The following WDFY4 variants were observed in gnomAD, a reference collection of about 807,000 sequenced individuals.
The protein encoded by WDFY4 is WD repeat- and FYVE domain-containing protein 4.
Under a neutral mutation model 351.9 loss-of-function variants are expected in WDFY4, and 169 were observed. The observed-to-expected ratio is 0.48, with a 90% CI of 0.42 to 0.55. The LOEUF (loss-of-function observed/expected upper bound fraction) is 0.55. WDFY4 is among the 20% of genes least tolerant of loss of function. WDFY4 has a pLI of 0.00. For synonymous variants in WDFY4, 1,622 were observed against 1,574.6 expected, an observed-to-expected ratio of 1.03 and a Z score of -0.71; for missense variants, 3,803 against 3,935.6, an observed-to-expected ratio of 0.97 and a Z score of 0.90.
At chr10:48,816,749 T>C (rs976195963) in intron 31 of WDFY4, among the ~76,000 whole-genome samples, 2 of 152,190 alleles carry the variant, frequency 1.3e-5, no homozygotes, top group African/African-American at 4.8e-5. Flanking sequence ...CAAACATGTA[T>C]GTCATAACAG....
chr10:48,815,219 C>T (rs1459714225), intron 31 of WDFY4, among the ~76,000 whole-genome samples: 1 of 152,164 alleles, frequency 6.6e-6, no homozygotes, highest in Non-Finnish European at 1.5e-5. Flanking sequence ...AGGACTCAGC[C>T]CCATCCTCAC....
At chr10:48,864,482 T>C (rs113644102) in intron 39 of WDFY4, among the ~76,000 whole-genome samples, 1 of 152,226 alleles carries the variant, frequency 6.6e-6, no homozygotes, top group Admixed American at 6.5e-5. Context: ...TGTTTGCCAT[T>C]GCTTTACAGT....
At chr10:48,975,813 A>AATGG (rs1240626576) in intron 58 of WDFY4, among the ~76,000 whole-genome samples, 3 of 152,016 alleles carry the variant, frequency 2.0e-5, no homozygotes, top group East Asian at 1.9e-4. Flanking sequence ...TAGATAAATG[A>AATGG]ATGGATGGAT....
intron 3 of WDFY4, 95 bp from the exon 4 acceptor site, chr10:48,721,166 G>A: frequency 8.3e-7 from 1 of 1,209,790 alleles, no homozygotes; most frequent in African/African-American, 1.5e-5. Flanking sequence ...CTCTACAGAT[G>A]CTCAGGCACA....
chr10:48,856,985 G>A (rs187308120), intron 39 of WDFY4, among the ~76,000 whole-genome samples: 137 of 152,098 alleles, frequency 9.0e-4, no homozygotes, highest in African/African-American at 3.1e-3. Context: ...TTTTATCTTT[G>A]GCAGCAAATA....
At chr10:48,872,966 G>A (rs1269062028) in intron 40 of WDFY4, among the ~76,000 whole-genome samples, 1 of 152,212 alleles carries the variant, frequency 6.6e-6, no homozygotes, top group Non-Finnish European at 1.5e-5. Flanking sequence ...CTGAGATCCA[G>A]AGATGGGAGT....
Position 48,806,104 on chromosome 10 carries a change from A to G in WDFY4, c.4738+9A>G. ...GGACCCTTCCCTGCCTGGTGAGAAG[A>G]CCTTTGCCAGTTCGAAGGCAGTAGG... is the stretch of plus-strand genomic sequence containing the variant. On this transcript the variant is annotated intron_variant, in intron 27 of 61. Transcript: ENST00000325239. 6.4e-7 allele frequency: 1 copy of G among 1,551,458 alleles called. No homozygotes were observed. The highest frequency in any genetic ancestry group is 1.2e-5 in the South Asian group (1 of 84,056).
chr10:48,694,706 C>T (rs2063286142), intron 1 of WDFY4, among the ~76,000 whole-genome samples: 1 of 152,174 alleles, frequency 6.6e-6, no homozygotes, highest in Admixed American at 6.5e-5. Flanking sequence ...CTCACTCAAC[C>T]CCTGAGCCCC....
intron 40 of WDFY4, 74 bp downstream of exon 40, chr10:48,867,416 G>A (rs2663019): frequency 0.36 from 371,064 of 1,031,018 alleles, 72,751 homozygotes; most frequent in East Asian, 0.72. Flanking sequence ...TAATTGGAAG[G>A]GCCTTTGGTT....
chr10:48,741,471 A>G (rs1208780465), intron 11 of WDFY4, among the ~76,000 whole-genome samples: 1 of 151,238 alleles, frequency 6.6e-6, no homozygotes, highest in African/African-American at 2.4e-5. Context: ...AAAAAAAAAA[A>G]AAAAAAAAAT....
intron 28 of WDFY4, among the ~76,000 whole-genome samples, chr10:48,809,705 A>G (rs1222859152): frequency 2.6e-5 from 4 of 152,248 alleles, no homozygotes; most frequent in Non-Finnish European, 5.9e-5. Flanking sequence ...TATCAACATA[A>G]TCACTGAGGA....
intron 39 of WDFY4, among the ~76,000 whole-genome samples, chr10:48,836,088 C>T (rs573866603): frequency 2.6e-4 from 39 of 152,304 alleles, no homozygotes; most frequent in African/African-American, 8.9e-4. Context: ...TAACAGAAGG[C>T]ACAACTTCTC....
chr10:48,763,057 C>T lies in WDFY4; in HGVS notation c.2553+2617C>T, dbSNP rs139795903. On this transcript the variant is annotated intron_variant, in intron 13 of 61. Coordinates refer to ENST00000325239, the MANE Select transcript of WDFY4 (RefSeq NM_001394531.1). ...GACCCCTAAATCCCATCTTGTAGCC[C>T]GTGAATTACTTGGAGTCTGGGATCT... 4.6e-4 allele frequency among the ~76,000 whole-genome samples: 70 copies of T among 152,238 alleles called. No homozygotes were observed. The East Asian group carries it at 9.5e-3, about 21-fold the overall frequency.
At chr10:48,823,363 A>T in intron 35 of WDFY4, 1 of 1,263,514 alleles carries the variant, frequency 7.9e-7, no homozygotes, top group African/African-American at 1.5e-5. Context: ...AACTCCTGCC[A>T]GCAGTCCTGG....
chr10:48,745,660 T>C, intron 12 of WDFY4: 1 of 577,132 alleles, frequency 1.7e-6, no homozygotes, highest in Non-Finnish European at 3.3e-6. Context: ...GGCCTTCTCC[T>C]TCCTCTTCTC....
chr10:48,952,956 G>A (rs1028009994), intron 51 of WDFY4, among the ~76,000 whole-genome samples: 1 of 152,218 alleles, frequency 6.6e-6, no homozygotes, highest in African/African-American at 2.4e-5. Flanking sequence ...CATTTGCCCC[G>A]TTACTTCTGA....
At position 48,793,175 on chromosome 10, in the gene WDFY4, G is replaced by A. The variant is rs141574373; in HGVS notation, c.4257+2258G>A. Among the ~76,000 whole-genome samples, 17 of 152,288 alleles carry A rather than the reference G, an allele frequency of 1.1e-4. No homozygotes were observed. In the East Asian group the frequency reaches 3.3e-3, roughly 29 times the overall value. On this transcript the variant is annotated intron_variant, in intron 23 of 61. Transcript: ENST00000325239. ...ACTGTGCTAGGCACTAGGGATGTGA[G>A]GTGAACAAGGTGGGTTTAGTCCCTG... is the stretch of plus-strand genomic sequence containing the variant.
In WDFY4 at chr10:48,974,519, A is replaced by AAAAAAAAAAAAAAAACAAC. The variant is rs1352344126; in HGVS notation, c.8929-333_8929-332insAAAAACAACAAAAAAAAAA. ...CTCCGTCTCAAAAAAAAAAAAAAAA[A>AAAAAAAAAAAAAAAACAAC]AAAAAAAAAACAACTCATGACATGA... On this transcript the variant is annotated intron_variant, in intron 57 of 61. Transcript: ENST00000325239. Among the ~76,000 whole-genome samples the AAAAAAAAAAAAAAAACAAC allele has an allele frequency of 2.6e-3, 128 of 49,964 alleles. 30 individuals carry two copies. The highest frequency in any genetic ancestry group is 5.2e-3 in the South Asian group (4 of 768). 32.8% of individuals were successfully genotyped at this position (49,964 alleles called of 152,430 possible).
In WDFY4 at chr10:48,787,807, C is replaced by CTTCTTCTTCTTCT. The variant is rs1555010320; in HGVS notation, c.3809-722_3809-721insTCTTCTTCTTCTT. Among the ~76,000 whole-genome samples the CTTCTTCTTCTTCT allele has an allele frequency of 6.9e-4, 53 of 76,728 alleles. 2 individuals carry two copies. Among genetic ancestry groups the CTTCTTCTTCTTCT allele is most frequent in the East Asian group, 1.8e-3 (4 of 2,282 alleles). The allele number at this position is 76,728 out of a possible 152,430, so 50.3% of individuals were successfully genotyped here. ...CCTCTTCCTCCTCCTCCTCCTCCTC[C>CTTCTTCTTCTTCT]TCTTCTTCTTCTTCTTCTTCTTCTT... is the stretch of plus-strand genomic sequence containing the variant. On this transcript the variant is annotated intron_variant, in intron 20 of 61. Coordinates refer to ENST00000325239, the MANE Select transcript of WDFY4 (RefSeq NM_001394531.1).
Sources: gnomAD v4.1 joint callset for allele counts (sites outside exome capture counted in the v4.1 genomes callset) on GRCh38, gnomAD v4.1.1 for gene constraint, MANE v1.5 for transcripts, NCBI Gene and HGNC (gene_info 2026-07-23, HGNC 2026-07-21) for gene names.